Variants in HIBADH observed in about 807,000 individuals in gnomAD.
The protein encoded by HIBADH is 3-hydroxyisobutyrate dehydrogenase.
HIBADH carries 25 observed loss-of-function variants against 36.1 expected under a neutral mutation model. The ratio of observed to expected loss-of-function variants is 0.69; its 90% confidence interval spans 0.50 to 0.97. HIBADH has a LOEUF of 0.97. Ranked by LOEUF, HIBADH falls within the 50% of genes least tolerant of loss-of-function variation. The probability of loss-of-function intolerance (pLI) is 0.00; values close to 1 mark genes in which losing one functional copy is unlikely to be tolerated. For missense variants in HIBADH, 421 were observed against 418.0 expected (o/e 1.01, Z -0.06); for synonymous variants, 160 against 149.5 (o/e 1.07, Z -0.51).
chr7:27,528,447 C>T (rs952230378), intron 7 of HIBADH, among the ~76,000 whole-genome samples: 5 of 152,274 alleles, frequency 3.3e-5, no homozygotes, highest in South Asian at 2.1e-4. Flanking sequence ...ATTACAAATG[C>T]TATTCCAGTG....
chr7:27,562,540 G>T lies in HIBADH; in HGVS notation c.485-19440C>A, dbSNP rs74373853. Among the ~76,000 whole-genome samples, 1,070 of 152,264 alleles carry T rather than the reference G, an allele frequency of 7.0e-3. 11 individuals are homozygous for T. Among genetic ancestry groups the T allele is most frequent in the African/African-American group, 0.024 (1,009 of 41,540 alleles). On this transcript the variant is annotated intron_variant, in intron 4 of 7. Coordinates refer to ENST00000265395, the MANE Select transcript of HIBADH (RefSeq NM_152740.4). The stretch of plus-strand genomic sequence containing the variant: ...AGGATCTTGCTCTGTTGCCCACACT[G>T]ATGTGCAGTGGTGCAATCATGACTT...
chr7:27,558,369 C>A (rs1482293069), intron 4 of HIBADH, among the ~76,000 whole-genome samples: 1 of 152,070 alleles, frequency 6.6e-6, no homozygotes, highest in Non-Finnish European at 1.5e-5. Context: ...GCTCGGTCAC[C>A]CTGGCTGGAG....
intron 4 of HIBADH, among the ~76,000 whole-genome samples, chr7:27,585,440 G>A (rs1470197742): frequency 6.6e-6 from 1 of 152,040 alleles, no homozygotes; most frequent in Non-Finnish European, 1.5e-5. Context: ...CCAATCTGAG[G>A]GTTAAACATA....
intron 4 of HIBADH, among the ~76,000 whole-genome samples, chr7:27,595,314 C>T (rs546659639): frequency 3.3e-5 from 5 of 152,060 alleles, no homozygotes; most frequent in African/African-American, 7.2e-5. Context: ...GACAGGAGTT[C>T]GAGACCAGCC....
intron 4 of HIBADH, among the ~76,000 whole-genome samples, chr7:27,607,134 T>C (rs1422152377): frequency 6.6e-6 from 1 of 152,254 alleles, no homozygotes; most frequent in African/African-American, 2.4e-5. Context: ...GTTGATTTTA[T>C]ATGTGTACTA....
chr7:27,599,182 T>C (rs879770203), intron 4 of HIBADH, among the ~76,000 whole-genome samples: 3 of 152,156 alleles, frequency 2.0e-5, no homozygotes, highest in Non-Finnish European at 4.4e-5. Context: ...TATGTACCAA[T>C]TAGTCCGTCA....
chr7:27,549,939 CG>C (rs1407262078), intron 4 of HIBADH, among the ~76,000 whole-genome samples: 3 of 152,122 alleles, frequency 2.0e-5, no homozygotes, highest in African/African-American at 7.2e-5. Flanking sequence ...GATGGAGTCT[CG>C]CTCAGTCGCC....
At chr7:27,660,664 GA>G (rs70974491) in intron 1 of HIBADH, among the ~76,000 whole-genome samples, 12 of 147,704 alleles carry the variant, frequency 8.1e-5, no homozygotes, top group African/African-American at 2.5e-5. Flanking sequence ...GACTCCGAGG[GA>G]AAAAAAAAAA....
intron 4 of HIBADH, among the ~76,000 whole-genome samples, chr7:27,554,502 A>T (rs1199402588): frequency 6.6e-6 from 1 of 152,126 alleles, no homozygotes; most frequent in Non-Finnish European, 1.5e-5. Flanking sequence ...CAGTAATCCA[A>T]TTACCACCAA....
chr7:27,612,531 C>T lies in HIBADH; in HGVS notation c.484+16840G>A, dbSNP rs187864021. On this transcript the variant is annotated intron_variant, in intron 4 of 7. Transcript: ENST00000265395. ...TAGAGACGGGGTTTCACCATGTTGG[C>T]CAGGCTGGTCTCGGACTCCTGACCT... Among the ~76,000 whole-genome samples, 546 of 151,942 alleles carry T rather than the reference C, an allele frequency of 3.6e-3. 5 individuals carry two copies. The highest frequency in any genetic ancestry group is 0.013 in the African/African-American group (527 of 41,484).
chr7:27,559,191 C>T (rs774178247), intron 4 of HIBADH, among the ~76,000 whole-genome samples: 10 of 152,140 alleles, frequency 6.6e-5, no homozygotes, highest in Non-Finnish European at 1.0e-4. Flanking sequence ...TTAAGGCCCA[C>T]CTTAATGACC....
intron 4 of HIBADH, among the ~76,000 whole-genome samples, chr7:27,583,678 G>A (rs1784822578): frequency 6.6e-6 from 1 of 151,854 alleles, no homozygotes; most frequent in Non-Finnish European, 1.5e-5. Flanking sequence ...GGACATTTGG[G>A]TTATTTCCAA....
rs140218857 is a variant in HIBADH, at chr7:27,537,346, AAAC to A, written c.695+992_695+994del. Among the ~76,000 whole-genome samples the A allele has an allele frequency of 2.0e-5, 3 of 152,328 alleles. No homozygotes were observed. In the East Asian group the frequency reaches 5.8e-4, roughly 29 times the overall value. On this transcript the variant is annotated intron_variant, in intron 6 of 7. Transcript: ENST00000265395. ...CATCTGAGACAAGGGCAATTCAATA[AAAC>A]AACAGCATCTTGATATGGTAATTAA... is the stretch of plus-strand genomic sequence containing the variant.
At chr7:27,645,347 T>A (rs1421127141) in intron 2 of HIBADH, among the ~76,000 whole-genome samples, 1 of 144,384 alleles carries the variant, frequency 6.9e-6, no homozygotes, top group Non-Finnish European at 1.5e-5. Context: ...TAGATTCTAG[T>A]GGGTGTGTCT....
At chr7:27,626,614 A>G (rs1161990435) in intron 4 of HIBADH, among the ~76,000 whole-genome samples, 1 of 152,216 alleles carries the variant, frequency 6.6e-6, no homozygotes, top group Non-Finnish European at 1.5e-5. Flanking sequence ...AATAATACTT[A>G]CCAGGAAGTA....
intron 4 of HIBADH, among the ~76,000 whole-genome samples, chr7:27,613,152 TATAAATATATATATTTATATAAATATA>T (rs1785358404): frequency 1.1e-4 from 1 of 8,920 alleles, no homozygotes; most frequent in Non-Finnish European, 1.7e-4. Flanking sequence ...ATATATTTTA[TATAAATATATATATTTATATAAATATA>T]TTTATATAAA....
chr7:27,572,914 C>T (rs554807222), intron 4 of HIBADH, among the ~76,000 whole-genome samples: 8 of 151,882 alleles, frequency 5.3e-5, no homozygotes, highest in African/African-American at 1.2e-4. Context: ...TTCAAAATTC[C>T]AAGAAGAGAA....
intron 2 of HIBADH, among the ~76,000 whole-genome samples, chr7:27,633,523 G>A (rs1785785040): frequency 6.6e-6 from 1 of 152,126 alleles, no homozygotes; most frequent in African/African-American, 2.4e-5. Context: ...GCTGGGTGTA[G>A]TGGGGCGCAC....
intron 4 of HIBADH, among the ~76,000 whole-genome samples, chr7:27,614,016 T>C (rs956083432): frequency 6.6e-6 from 1 of 152,158 alleles, no homozygotes; most frequent in Admixed American, 6.5e-5. Context: ...GAGATAAAAG[T>C]GTAAATAATA....
Sources: gnomAD v4.1 joint callset for allele counts (sites outside exome capture counted in the v4.1 genomes callset) on GRCh38, gnomAD v4.1.1 for gene constraint, MANE v1.5 for transcripts, NCBI Gene and HGNC (gene_info 2026-07-23, HGNC 2026-07-21) for gene names.